The following NEGR1 variants were observed in gnomAD, a reference collection of about 807,000 sequenced individuals.
The protein encoded by NEGR1 is IgLON family member 4.
In NEGR1, 10 loss-of-function variants were observed where a neutral mutation model predicts 40.9. The observed-to-expected ratio is 0.24, with a 90% CI of 0.15 to 0.42. NEGR1 has a LOEUF of 0.42. Among genes scored for constraint, NEGR1 ranks in the 10% least tolerant of loss-of-function variants. The pLI is 1.00. For synonymous variants in NEGR1, 185 were observed against 166.8 expected (o/e 1.11, Z -0.84); for missense variants, 352 against 438.9 (o/e 0.80, Z 1.77).
intron 4 of NEGR1, among the ~76,000 whole-genome samples, chr1:71,652,691 C>T (rs1339517961): frequency 2.0e-5 from 3 of 152,044 alleles, no homozygotes; most frequent in African/African-American, 4.8e-5. Flanking sequence ...CATGGTGAAA[C>T]TCAGCCTCTA....
chr1:72,257,321 CAA>C (rs34220734), intron 1 of NEGR1, among the ~76,000 whole-genome samples: 831 of 57,102 alleles, frequency 0.015, 3 homozygotes, highest in African/African-American at 0.052. Flanking sequence ...GACTCTGTCT[CAA>C]AAAAAAAAAA....
At chr1:72,240,613 AAAGC>A (rs1235520912) in intron 1 of NEGR1, among the ~76,000 whole-genome samples, 22 of 151,898 alleles carry the variant, frequency 1.4e-4, no homozygotes, top group African/African-American at 5.3e-4. Flanking sequence ...TGGCCCAATC[AAAGC>A]AAACTGGACC....
At chr1:72,214,785 A>G (rs1220575290) in intron 1 of NEGR1, among the ~76,000 whole-genome samples, 2 of 152,094 alleles carry the variant, frequency 1.3e-5, no homozygotes, top group Non-Finnish European at 2.9e-5. Context: ...CATACTGCCC[A>G]AAGTAATTTA....
chr1:71,722,481 T>TA (rs1181581275), intron 3 of NEGR1, among the ~76,000 whole-genome samples: 1 of 152,110 alleles, frequency 6.6e-6, no homozygotes, highest in Non-Finnish European at 1.5e-5. Flanking sequence ...CTTCATATGA[T>TA]AATACGTCAT....
At chr1:71,500,107 T>G (rs950986898) in intron 6 of NEGR1, among the ~76,000 whole-genome samples, 11 of 152,144 alleles carry the variant, frequency 7.2e-5, no homozygotes, top group African/African-American at 2.4e-4. Flanking sequence ...ATGATCTCTC[T>G]CCTCTCTATA....
intron 1 of NEGR1, among the ~76,000 whole-genome samples, chr1:71,991,386 C>T (rs887861302): frequency 1.3e-5 from 2 of 152,192 alleles, no homozygotes; most frequent in African/African-American, 2.4e-5. Flanking sequence ...ACTACTCCCT[C>T]CCACCAATAG....
chr1:71,485,203 T>C (rs1375940870), intron 6 of NEGR1, among the ~76,000 whole-genome samples: 2 of 135,736 alleles, frequency 1.5e-5, no homozygotes, highest in African/African-American at 5.5e-5. Context: ...CCCTATTTCT[T>C]ATGCTCCTCT....
intron 3 of NEGR1, among the ~76,000 whole-genome samples, chr1:71,701,808 A>G (rs1653705802): frequency 6.6e-6 from 1 of 152,104 alleles, no homozygotes; most frequent in South Asian, 2.1e-4. Flanking sequence ...TAATTTATAA[A>G]TTGCTGAAGT....
chr1:71,621,698 C>G (rs11209805), intron 4 of NEGR1, among the ~76,000 whole-genome samples: 6,959 of 151,882 alleles, frequency 0.046, 403 homozygotes, highest in African/African-American at 0.13. Flanking sequence ...CCAGCACTAA[C>G]TCCCTAAACC....
chr1:71,925,868 T>C (rs1390193920), intron 2 of NEGR1, among the ~76,000 whole-genome samples: 1 of 152,190 alleles, frequency 6.6e-6, no homozygotes, highest in Non-Finnish European at 1.5e-5. Flanking sequence ...TAATCTTTTA[T>C]TTATAGAGAG....
At chr1:72,161,140 A>C (rs994449568) in intron 1 of NEGR1, among the ~76,000 whole-genome samples, 1 of 152,162 alleles carries the variant, frequency 6.6e-6, no homozygotes, top group Admixed American at 6.5e-5. Flanking sequence ...GAGTTCCTTC[A>C]TCATAATCTA....
At chr1:71,595,387 T>C (rs943257441) in intron 5 of NEGR1, among the ~76,000 whole-genome samples, 1 of 152,236 alleles carries the variant, frequency 6.6e-6, no homozygotes, top group South Asian at 2.1e-4. Flanking sequence ...TTGTGTGTTT[T>C]AGAAGTGCTA....
At chr1:71,933,517 TG>T (rs1645874734) in intron 2 of NEGR1, among the ~76,000 whole-genome samples, 1 of 152,042 alleles carries the variant, frequency 6.6e-6, no homozygotes, top group East Asian at 1.9e-4. Flanking sequence ...TTAGAGTCTT[TG>T]AGCTAGAAAC....
chr1:72,115,544 T>C (rs1178940010), intron 1 of NEGR1, among the ~76,000 whole-genome samples: 2 of 151,766 alleles, frequency 1.3e-5, no homozygotes, highest in Non-Finnish European at 2.9e-5. Flanking sequence ...AAATCTGATA[T>C]TAGCATTAGC....
chr1:71,496,813 C>A (rs1236454801), intron 6 of NEGR1, among the ~76,000 whole-genome samples: 1 of 152,090 alleles, frequency 6.6e-6, no homozygotes, highest in Non-Finnish European at 1.5e-5. Context: ...TGCTAGAGTT[C>A]TATGATAACC....
chr1:71,595,675 G>C (rs2101524915), intron 5 of NEGR1, among the ~76,000 whole-genome samples: 1 of 152,298 alleles, frequency 6.6e-6, no homozygotes, highest in South Asian at 2.1e-4. Flanking sequence ...CTCTGCTCTT[G>C]AGAAGGTCAG....
intron 4 of NEGR1, among the ~76,000 whole-genome samples, chr1:71,696,709 A>T (rs1412586425): frequency 1.3e-5 from 2 of 151,834 alleles, no homozygotes; most frequent in Non-Finnish European, 1.5e-5. Context: ...TCTCTGCAAT[A>T]AGAGTCCTGA....
intron 2 of NEGR1, among the ~76,000 whole-genome samples, chr1:71,932,792 G>A (rs999414864): frequency 6.6e-6 from 1 of 152,128 alleles, no homozygotes; most frequent in South Asian, 2.1e-4. Flanking sequence ...TGATACCCCT[G>A]AGCATCAGAC....
At chr1:71,858,585 C>A (rs1300089283) in intron 2 of NEGR1, among the ~76,000 whole-genome samples, 1 of 152,098 alleles carries the variant, frequency 6.6e-6, no homozygotes, top group East Asian at 1.9e-4. Flanking sequence ...ATATTTTCCC[C>A]GTTTTTCAGA....
Sources: gnomAD v4.1 joint callset for allele counts (sites outside exome capture counted in the v4.1 genomes callset) on GRCh38, gnomAD v4.1.1 for gene constraint, MANE v1.5 for transcripts, NCBI Gene and HGNC (gene_info 2026-07-23, HGNC 2026-07-21) for gene names.